PTPRT: variants seen among roughly 807,000 people sequenced by gnomAD.
PTPRT encodes the protein receptor-type tyrosine-protein phosphatase T.
Under a neutral mutation model 176.8 loss-of-function variants are expected in PTPRT, and 56 were observed. The ratio of observed to expected loss-of-function variants is 0.32; its 90% CI spans 0.26 to 0.40. The LOEUF (loss-of-function observed/expected upper bound fraction) is 0.40, where lower values mean the gene tolerates loss of function less well. Among genes scored for constraint, PTPRT ranks in the 10% least tolerant of loss-of-function variants. The pLI is 1.00. For missense variants in PTPRT, 1,540 were observed against 1,908.2 expected (o/e 0.81, Z 3.60); for synonymous variants, 783 against 739.0 (o/e 1.06, Z -0.96).
At chr20:42,232,813 CAAAAAAAA>C (rs5841454) in intron 15 of PTPRT, among the ~76,000 whole-genome samples, 7 of 63,238 alleles carry the variant, frequency 1.1e-4, no homozygotes, top group South Asian at 7.6e-4. Flanking sequence ...CTCTGTTTTA[CAAAAAAAA>C]AAAAAAAAAA....
chr20:43,038,707 A>C (rs1010240922), intron 1 of PTPRT, among the ~76,000 whole-genome samples: 1 of 152,202 alleles, frequency 6.6e-6, no homozygotes, highest in Non-Finnish European at 1.5e-5. Flanking sequence ...ACCCAAGAGC[A>C]TAACTGAAAA....
intron 6 of PTPRT, among the ~76,000 whole-genome samples, chr20:42,693,550 A>T (rs2075823711): frequency 6.6e-6 from 1 of 152,216 alleles, no homozygotes; most frequent in African/African-American, 2.4e-5. Context: ...GAGGCAAGAA[A>T]CAAATCCACA....
At chr20:42,634,011 AATATATAT>A (rs1167571912) in intron 7 of PTPRT, among the ~76,000 whole-genome samples, 10 of 18,200 alleles carry the variant, frequency 5.5e-4, no homozygotes, top group African/African-American at 3.6e-3. Flanking sequence ...ATATATATAT[AATATATAT>A]ATAATATATA....
intron 1 of PTPRT, among the ~76,000 whole-genome samples, chr20:43,081,605 T>C (rs1243211823): frequency 2.0e-5 from 3 of 152,190 alleles, no homozygotes; most frequent in Non-Finnish European, 4.4e-5. Context: ...CATCCCCCTT[T>C]TATTGATTTT....
intron 9 of PTPRT, among the ~76,000 whole-genome samples, chr20:42,412,177 T>C (rs1014144552): frequency 1.7e-4 from 26 of 152,212 alleles, no homozygotes; most frequent in Non-Finnish European, 1.5e-5. Flanking sequence ...GATAAATGAT[T>C]GTATCCAGAA....
intron 6 of PTPRT, among the ~76,000 whole-genome samples, chr20:42,691,665 C>T (rs1036273820): frequency 1.3e-5 from 2 of 152,162 alleles, no homozygotes; most frequent in Non-Finnish European, 2.9e-5. Context: ...CTGCCCCTGC[C>T]GTATCTTGCC....
rs1158230907 is a variant in PTPRT at position 42,633,918 on chromosome 20, A to C, written c.1153+43948T>G. 1.4e-3 allele frequency among the ~76,000 whole-genome samples: 89 copies of C among 61,880 alleles called. No homozygotes were observed. In the Admixed American group the frequency reaches 0.016, roughly 11 times the overall value. 40.6% of individuals were successfully genotyped at this position (61,880 alleles called of 152,430 possible). A position where few individuals can be genotyped will look rare whatever the true frequency, so the allele number is the denominator to read the frequency against. ...TATATATAATATAATATATAATTAT[A>C]TATAATATATTATAATAATATAATA... On this transcript the variant is annotated intron_variant, in intron 7 of 30. Coordinates refer to ENST00000373187, the MANE Select transcript of PTPRT (RefSeq NM_007050.6).
chr20:42,883,649 C>T (rs891557445), intron 2 of PTPRT, among the ~76,000 whole-genome samples: 16 of 29,418 alleles, frequency 5.4e-4, no homozygotes, highest in South Asian at 1.1e-3. Flanking sequence ...ATGCACACAC[C>T]GCCATATACA....
chr20:42,175,219 G>C (rs921644556), intron 16 of PTPRT, among the ~76,000 whole-genome samples: 3 of 152,104 alleles, frequency 2.0e-5, no homozygotes, highest in African/African-American at 7.2e-5. Flanking sequence ...CCAGATTTAA[G>C]ATATTTAATA....
intron 1 of PTPRT, among the ~76,000 whole-genome samples, chr20:43,020,078 A>G (rs1219597292): frequency 6.9e-6 from 1 of 144,522 alleles, no homozygotes; most frequent in African/African-American, 2.7e-5. Context: ...CTTTCTATAT[A>G]TATGTGAGTG....
chr20:42,968,864 C>T (rs1373994408), intron 1 of PTPRT: 1 of 152,254 alleles, frequency 6.6e-6, no homozygotes, highest in East Asian at 1.9e-4. Context: ...CTGATCTGCC[C>T]CAGTGGGACC....
intron 2 of PTPRT, among the ~76,000 whole-genome samples, chr20:42,875,419 C>A (rs2078914413): frequency 6.6e-6 from 1 of 152,170 alleles, no homozygotes. Context: ...GGGGTCACTG[C>A]AGGCTAATGT....
chr20:42,563,410 A>T (rs1966828048), intron 7 of PTPRT, among the ~76,000 whole-genome samples: 1 of 152,224 alleles, frequency 6.6e-6, no homozygotes, highest in African/African-American at 2.4e-5. Context: ...TGCTCTTGGT[A>T]GAATTATAAA....
chr20:42,363,294 ATATATATTTTT>A (rs1472835112), intron 9 of PTPRT, among the ~76,000 whole-genome samples: 21 of 24,926 alleles, frequency 8.4e-4, no homozygotes, highest in East Asian at 3.9e-3. Context: ...ATATATATAT[ATATATATTTTT>A]TTTTTTTTTT....
intron 1 of PTPRT, among the ~76,000 whole-genome samples, chr20:42,976,441 T>G (rs1982957413): frequency 6.6e-6 from 1 of 152,120 alleles, no homozygotes; most frequent in Admixed American, 6.5e-5. Context: ...AGTCTCGCTC[T>G]GTCGCCCAGG....
At chr20:42,277,746 G>T (rs1410184583) in intron 13 of PTPRT, among the ~76,000 whole-genome samples, 1 of 152,042 alleles carries the variant, frequency 6.6e-6, no homozygotes, top group Non-Finnish European at 1.5e-5. Context: ...CTTCTTGTTA[G>T]TGGGGACTGC....
intron 7 of PTPRT, among the ~76,000 whole-genome samples, chr20:42,545,280 C>T (rs925249097): frequency 6.6e-6 from 1 of 152,166 alleles, no homozygotes; most frequent in Non-Finnish European, 1.5e-5. Context: ...ATGTGTGAAA[C>T]AATTCTCAGT....
intron 18 of PTPRT, among the ~76,000 whole-genome samples, chr20:42,139,037 G>A (rs1376082516): frequency 6.6e-6 from 1 of 152,186 alleles, no homozygotes; most frequent in African/African-American, 2.4e-5. Flanking sequence ...CTTTGGGAGG[G>A]ACGCATACAA....
At chr20:42,061,424 T>C in the PTPRT span, among the ~76,000 whole-genome samples, 1,384 of 152,288 alleles carry the variant, frequency 9.1e-3, 19 homozygotes, top group African/African-American at 0.031. Context: ...CCAGTGTATA[T>C]AAGTATTTGT....
Sources: gnomAD v4.1 joint callset for allele counts (sites outside exome capture counted in the v4.1 genomes callset) on GRCh38, gnomAD v4.1.1 for gene constraint, MANE v1.5 for transcripts, NCBI Gene and HGNC (gene_info 2026-07-23, HGNC 2026-07-21) for gene names.